AGAP3: variants seen among roughly 807,000 people sequenced by gnomAD.
The protein encoded by AGAP3 is ArfGAP with GTPase domain, ankyrin repeat and PH domain 3, also known as arf-GAP with GTPase, ANK repeat and PH domain-containing protein 3.
AGAP3 carries 24 observed loss-of-function variants against 96.9 expected under a neutral mutation model. The ratio of observed to expected loss-of-function variants is 0.25; its 90% CI spans 0.18 to 0.35. AGAP3 has a LOEUF of 0.35. AGAP3 is among the 10% of genes least tolerant of loss of function. AGAP3 has a pLI of 1.00. For synonymous variants in AGAP3, 563 were observed against 536.1 expected (o/e 1.05, Z -0.69); for missense variants, 876 against 1,254.2 (o/e 0.70, Z 4.55).
chr7:151,137,563 C>A (rs558607624), intron 11 of AGAP3, among the ~76,000 whole-genome samples: 1 of 152,222 alleles, frequency 6.6e-6, no homozygotes, highest in African/African-American at 2.4e-5. Flanking sequence ...CACTGCCGGC[C>A]GCCGCGCCTG....
intron 1 of AGAP3, 194 bp from the exon 2 acceptor site, chr7:151,116,599 T>TA: frequency 1.6e-6 from 1 of 632,908 alleles, no homozygotes; most frequent in Non-Finnish European, 2.8e-6. Context: ...AGACCATCCT[T>TA]ACTCTGCTTC....
At chr7:151,089,625 TCA>T (rs1798309682) in intron 1 of AGAP3, 3 of 152,190 alleles carry the variant, frequency 2.0e-5, no homozygotes, top group African/African-American at 7.2e-5. Context: ...TCTCTGCCAC[TCA>T]CAGTCACTTC....
intron 1 of AGAP3, among the ~76,000 whole-genome samples, chr7:151,094,197 A>G (rs1798508419): frequency 6.6e-6 from 1 of 151,100 alleles, no homozygotes; most frequent in South Asian, 2.1e-4. Context: ...CTAGCGTGTC[A>G]TAAGCACAGG....
chr7:151,111,939 C>A (rs1335388544), intron 1 of AGAP3, among the ~76,000 whole-genome samples: 2 of 152,158 alleles, frequency 1.3e-5, no homozygotes, highest in African/African-American at 4.8e-5. Context: ...CAGCCTGGAG[C>A]TTTTTAGGTT....
Position 151,144,197 on chromosome 7 carries a change from G to A in AGAP3, c.*254G>A. 1.9e-6 allele frequency: 1 copy of A among 515,724 alleles called. No individual in the cohort carries two copies. The highest frequency in any genetic ancestry group is 3.5e-6 in the Non-Finnish European group (1 of 289,706). The allele number at this position is 515,724 out of a possible 1,614,324, so 31.9% of individuals were successfully genotyped here. ...GGGACAGGACCCTTCGGAGGTGCCT[G>A]TGAGGAGAGGGGAGCAGGACCTCTC... On this transcript the variant is annotated 3_prime_UTR_variant, in exon 18 of 18. Coordinates refer to ENST00000397238, the MANE Select transcript of AGAP3 (RefSeq NM_031946.7).
At chr7:151,098,228 G>A (rs112439180) in intron 1 of AGAP3, among the ~76,000 whole-genome samples, 1 of 152,140 alleles carries the variant, frequency 6.6e-6, no homozygotes, top group Non-Finnish European at 1.5e-5. Context: ...GCATGGTGGC[G>A]CATGCCTCCA....
At chr7:151,107,014 T>C (rs953896297) in intron 1 of AGAP3, among the ~76,000 whole-genome samples, 1 of 151,798 alleles carries the variant, frequency 6.6e-6, no homozygotes, top group Non-Finnish European at 1.5e-5. Context: ...CTTCTGTTTA[T>C]AAAAATATTT....
At position 151,117,462 on chromosome 7, in the gene AGAP3, G is replaced by T; in HGVS notation, c.564+6G>T. On this transcript the variant is annotated splice_donor_region_variant and intron_variant, in intron 4 of 17. Transcript: ENST00000397238. ...GAGGCCCCCCTGAGCTCCAGGTGAT[G>T]CTCCTGCCCAGGGTTAGGGCCCACC... 1 of 1,614,204 alleles carries T rather than the reference G, an allele frequency of 6.2e-7. No individual in the cohort carries two copies. The highest frequency in any genetic ancestry group is 8.5e-7 in the Non-Finnish European group (1 of 1,180,006).
At chr7:151,138,094 T>C (rs1800671060) in intron 11 of AGAP3, 49 bp from the exon 12 acceptor site, 2 of 1,383,298 alleles carry the variant, frequency 1.4e-6, no homozygotes, top group East Asian at 2.5e-5. Flanking sequence ...TCTTTGAGAA[T>C]CCTCCCCTGC....
chr7:151,106,412 A>C (rs1290227091), intron 1 of AGAP3, among the ~76,000 whole-genome samples: 1 of 152,132 alleles, frequency 6.6e-6, no homozygotes, highest in African/African-American at 2.4e-5. Context: ...GGCTCACTGC[A>C]ACCTCCACCT....
In AGAP3 at chr7:151,133,452, G is replaced by T. The variant is rs755921736; in HGVS notation, c.1327-948G>T. 7.1e-6 allele frequency among the ~76,000 whole-genome samples: 1 copy of T among 140,822 alleles called. No individual in the cohort carries two copies. Among genetic ancestry groups the T allele is most frequent in the African/African-American group, 2.5e-5 (1 of 39,538 alleles). The allele number at this position is 140,822 out of a possible 152,430, so 92.4% of individuals were successfully genotyped here. ...CCACCCTCCCTCCCTGCACTCGGCC[G>T]TGGTGCTCCCTAAATGATGGGGGGA... On this transcript the variant is annotated intron_variant, in intron 10 of 17. Transcript: ENST00000397238. The surrounding 1 kb of genome is among the most constrained non-coding windows in gnomAD (Gnocchi z 5.4).
intron 9 of AGAP3, chr7:151,128,239 T>G: frequency 3.7e-6 from 1 of 272,848 alleles, no homozygotes; most frequent in Non-Finnish European, 7.2e-6. Flanking sequence ...TCTATACCCC[T>G]GACTGTCTAC....
At position 151,141,484 on chromosome 7, in the gene AGAP3, A is replaced by T. The variant is rs1042905505; in HGVS notation, c.1805-414A>T. The T allele has an allele frequency of 4.9e-6, 1 of 205,258 alleles. No homozygotes were observed. 12.7% of individuals were successfully genotyped at this position (205,258 alleles called of 1,614,324 possible). ...GCAAAATGAGGCGGCTGCAGCTGAC[A>T]TGTACGGATGGTGCCCACACCCGCC... is the stretch of plus-strand genomic sequence containing the variant. On this transcript the variant is annotated intron_variant, in intron 13 of 17. Transcript: ENST00000397238. The surrounding 1 kb of genome is among the most constrained non-coding windows in gnomAD (Gnocchi z 4.2).
intron 1 of AGAP3, among the ~76,000 whole-genome samples, chr7:151,093,293 A>G (rs1798472081): frequency 6.6e-6 from 1 of 152,110 alleles, no homozygotes; most frequent in Non-Finnish European, 1.5e-5. Flanking sequence ...AATATGCACC[A>G]GCACACCCAG....
intron 1 of AGAP3, among the ~76,000 whole-genome samples, chr7:151,113,281 T>TG (rs919802293): frequency 6.6e-5 from 10 of 152,218 alleles, no homozygotes; most frequent in Admixed American, 2.0e-4. Flanking sequence ...ACTTCCATTG[T>TG]GGGGGGAACA....
At chr7:151,089,039 G>A (rs1445838865) in intron 1 of AGAP3, among the ~76,000 whole-genome samples, 1 of 151,796 alleles carries the variant, frequency 6.6e-6, no homozygotes, top group African/African-American at 2.4e-5. Context: ...CCCACTCCTG[G>A]GCCCTGCTGC....
intron 1 of AGAP3, among the ~76,000 whole-genome samples, chr7:151,100,128 G>A (rs373218447): frequency 6.6e-6 from 1 of 152,250 alleles, no homozygotes; most frequent in South Asian, 2.1e-4. Flanking sequence ...GCCCCTGCCT[G>A]CAGTGCGCCC....
In AGAP3 at chr7:151,142,171, G is replaced by T; in HGVS notation, c.1968G>T (p.Leu656=). 1 of 1,613,846 alleles carries T rather than the reference G, an allele frequency of 6.2e-7. No homozygotes were observed. The change falls in exon 15 of 18, where the codon CTG becomes CTT. Residue 656 remains leucine, a synonymous_variant. Coordinates refer to ENST00000397238, the MANE Select transcript of AGAP3 (RefSeq NM_031946.7). This position sits in a 1 kb window ranked among gnomAD's most constrained non-coding sequence, Gnocchi z 7.5. The part of the protein sequence containing the change: ...GCRSAKDKTR[L]GNQNAALAVQ... ...CTCCTGCTGTGCGACAGACTCGACT[G>T]GGGAACCAGAACGCAGCTCTGGCTG...
intron 1 of AGAP3, among the ~76,000 whole-genome samples, chr7:151,094,134 G>A (rs1301188417): frequency 2.0e-5 from 3 of 152,152 alleles, no homozygotes; most frequent in East Asian, 1.9e-4. Flanking sequence ...AAGCTCTGCC[G>A]CTTGGTAGTG....
Sources: gnomAD v4.1 joint callset for allele counts (sites outside exome capture counted in the v4.1 genomes callset) on GRCh38, gnomAD v4.1.1 for gene constraint, Gnocchi (gnomAD v3.1) non-coding constraint, MANE v1.5 for transcripts, NCBI Gene and HGNC (gene_info 2026-07-23, HGNC 2026-07-21) for gene names.